The following TIMM23 variants were observed in gnomAD, a reference collection of about 807,000 sequenced individuals.
The protein encoded by TIMM23 is mitochondrial import inner membrane translocase subunit Tim23.
Under a neutral mutation model 30.7 loss-of-function variants are expected in TIMM23, and 19 were observed. The ratio of observed to expected loss-of-function variants is 0.62; its 90% CI spans 0.43 to 0.91. The LOEUF (loss-of-function observed/expected upper bound fraction) is 0.91, where lower values mean the gene tolerates loss of function less well. Ranked by LOEUF, TIMM23 falls within the 40% of genes least tolerant of loss-of-function variation. TIMM23 has a pLI of 0.00. For synonymous variants in TIMM23, 78 were observed against 98.5 expected (o/e 0.79, Z 1.23); for missense variants, 202 against 269.2 (o/e 0.75, Z 1.75).
intron 2 of TIMM23, among the ~76,000 whole-genome samples, chr10:45,982,237 C>T (rs1233174814): frequency 2.6e-5 from 4 of 152,342 alleles, no homozygotes; most frequent in East Asian, 3.9e-4. Context: ...GTTCCTTTCT[C>T]TAGAGCTGTC....
In TIMM23 at chr10:45,994,616, G is replaced by GT. The variant is rs1554916413; in HGVS notation, c.514+5775dup. 5.3e-3 allele frequency among the ~76,000 whole-genome samples: 672 copies of GT among 127,472 alleles called. 5 individuals carry two copies. The highest frequency in any genetic ancestry group is 8.0e-3 in the Non-Finnish European group (485 of 60,838). 83.6% of individuals were successfully genotyped at this position (127,472 alleles called of 152,430 possible). ...CACCATGCCTGGCTAATTTTTTTGT[G>GT]TTTTTTGTAGAGACGGGGTTTCACC... is the stretch of plus-strand genomic sequence containing the variant. On this transcript the variant is annotated intron_variant, in intron 6 of 6. Transcript: ENST00000580018.
chr10:45,993,123 A>T (rs1280949531), intron 6 of TIMM23, among the ~76,000 whole-genome samples: 6 of 152,116 alleles, frequency 3.9e-5, no homozygotes, highest in Admixed American at 3.9e-4. Flanking sequence ...TAGTTGTAGG[A>T]TAAATTGCTA....
intron 6 of TIMM23, chr10:45,992,278 G>T (rs1174956777): frequency 2.1e-5 from 9 of 427,032 alleles, no homozygotes; most frequent in Non-Finnish European, 4.2e-5. Context: ...AATTGTTTTT[G>T]ACTCCCCATA....
chr10:46,000,433 T>C (rs1299944750), intron 6 of TIMM23, among the ~76,000 whole-genome samples: 2 of 152,248 alleles, frequency 1.3e-5, no homozygotes, highest in African/African-American at 2.4e-5. Flanking sequence ...TTGCCCACGC[T>C]GGTCTTGAAC....
intron 2 of TIMM23, among the ~76,000 whole-genome samples, chr10:45,976,549 T>C (rs1837678846): frequency 6.6e-6 from 1 of 152,086 alleles, no homozygotes; most frequent in African/African-American, 2.4e-5. Flanking sequence ...AGACAAAGGT[T>C]GCAGTGAGCT....
At chr10:45,978,256 G>A (rs1837737571) in intron 2 of TIMM23, among the ~76,000 whole-genome samples, 1 of 152,126 alleles carries the variant, frequency 6.6e-6, no homozygotes, top group African/African-American at 2.4e-5. Flanking sequence ...GGGAGGCTGA[G>A]GTGGGAGGAT....
intron 6 of TIMM23, among the ~76,000 whole-genome samples, chr10:45,989,902 CTTAA>C (rs1210437276): frequency 1.3e-5 from 2 of 152,058 alleles, no homozygotes; most frequent in Admixed American, 6.6e-5. Flanking sequence ...TCTTTGGCTA[CTTAA>C]TTTTTATTTT....
chr10:45,991,758 AAAAAG>A (rs1253844208), intron 6 of TIMM23, among the ~76,000 whole-genome samples: 2 of 151,882 alleles, frequency 1.3e-5, no homozygotes, highest in Admixed American at 6.5e-5. Flanking sequence ...TCTCAAAAAA[AAAAAG>A]AAAAGAAAAA....
intron 5 of TIMM23, among the ~76,000 whole-genome samples, chr10:45,987,845 C>G (rs1838041842): frequency 6.6e-6 from 1 of 151,938 alleles, no homozygotes; most frequent in Non-Finnish European, 1.5e-5. Context: ...TGGTCTCTGA[C>G]TCCTGGGCTC....
intron 1 of TIMM23, among the ~76,000 whole-genome samples, chr10:45,975,044 AAACCC>A (rs1333484066): frequency 6.6e-6 from 1 of 152,168 alleles, no homozygotes; most frequent in Non-Finnish European, 1.5e-5. Context: ...CACAGTCAGA[AAACCC>A]AACCCAACCA....
intron 6 of TIMM23, among the ~76,000 whole-genome samples, chr10:45,993,653 C>G (rs1223434848): frequency 4.0e-5 from 6 of 150,414 alleles, no homozygotes; most frequent in African/African-American, 1.5e-4. Flanking sequence ...GTCTCTGTCT[C>G]GAAATGAAAT....
rs782013689 is a variant in TIMM23, at chr10:45,993,244, C to CTTTTTTTTTTTTTTTTTT, written c.514+4414_514+4415insTTTTTTTTTTTTTTTTTT. Among the ~76,000 whole-genome samples the CTTTTTTTTTTTTTTTTTT allele has an allele frequency of 4.3e-4, 31 of 72,032 alleles. 6 individuals are homozygous for CTTTTTTTTTTTTTTTTTT. Among genetic ancestry groups the CTTTTTTTTTTTTTTTTTT allele is most frequent in the African/African-American group, 1.5e-3 (22 of 14,730 alleles). The allele number at this position is 72,032 out of a possible 152,430, so 47.3% of individuals were successfully genotyped here. On this transcript the variant is annotated intron_variant, in intron 6 of 6. Coordinates refer to ENST00000580018, the MANE Select transcript of TIMM23 (RefSeq NM_006327.4). ...TTGCCAGTGTGAGCATCTACCATCA[C>CTTTTTTTTTTTTTTTTTT]TTTTTTTTTTTTTTTTTGGAGACTG... is the stretch of plus-strand genomic sequence containing the variant.
intron 4 of TIMM23, 92 bp from the exon 5 acceptor site, chr10:45,985,291 T>C: frequency 1.3e-6 from 2 of 1,503,202 alleles, no homozygotes; most frequent in Admixed American, 1.7e-5. Flanking sequence ...GCGCCCTGGG[T>C]CTAGACATGT....
chr10:45,979,400 G>A (rs1392619321), intron 2 of TIMM23, among the ~76,000 whole-genome samples: 2 of 152,032 alleles, frequency 1.3e-5, no homozygotes, highest in African/African-American at 2.4e-5. Context: ...AGGCTCAAGC[G>A]GTCCTTCTGC....
intron 6 of TIMM23, among the ~76,000 whole-genome samples, chr10:46,002,810 A>ACT (rs1331593409): frequency 2.1e-5 from 2 of 95,068 alleles, no homozygotes; most frequent in African/African-American, 8.6e-5. Flanking sequence ...ATTTCATAGT[A>ACT]TTTTTTTTTT....
At chr10:45,996,850 A>G (rs1838350172) in intron 6 of TIMM23, among the ~76,000 whole-genome samples, 1 of 151,722 alleles carries the variant, frequency 6.6e-6, no homozygotes, top group African/African-American at 2.4e-5. Context: ...CTGTAGTCCC[A>G]ATTACTGGGA....
At chr10:45,998,446 T>C (rs2132282992) in intron 6 of TIMM23, 1 of 937,184 alleles carries the variant, frequency 1.1e-6, no homozygotes, top group Non-Finnish European at 1.3e-6. Context: ...GATTGACCAT[T>C]GGCCTTATTT....
intron 4 of TIMM23, among the ~76,000 whole-genome samples, chr10:45,983,698 A>T (rs1349946655): frequency 6.6e-6 from 1 of 152,168 alleles, no homozygotes; most frequent in African/African-American, 2.4e-5. Flanking sequence ...AGCAGATGGC[A>T]CCAGATGTGC....
At chr10:45,992,339 G>A in intron 6 of TIMM23, 1 of 452,666 alleles carries the variant, frequency 2.2e-6, no homozygotes, top group South Asian at 1.6e-5. Context: ...TCAGTTGTTT[G>A]GGTGATTGCT....
Sources: gnomAD v4.1 joint callset for allele counts (sites outside exome capture counted in the v4.1 genomes callset) on GRCh38, gnomAD v4.1.1 for gene constraint, MANE v1.5 for transcripts, NCBI Gene and HGNC (gene_info 2026-07-23, HGNC 2026-07-21) for gene names.